Variants in IL1RL1 observed in about 807,000 individuals in gnomAD.
IL1RL1 encodes the protein interleukin-1 receptor-like 1.
Under a neutral mutation model 50.9 loss-of-function variants are expected in IL1RL1, and 32 were observed. The observed-to-expected ratio is 0.63, with a 90% confidence interval of 0.47 to 0.84. The LOEUF is 0.84. IL1RL1 is among the 40% of genes least tolerant of loss of function. The probability of loss-of-function intolerance (pLI) is 0.00; values close to 1 mark genes in which losing one functional copy is unlikely to be tolerated. For missense variants in IL1RL1, 773 were observed against 662.9 expected, an observed-to-expected ratio of 1.17 and a Z score of -1.82; for synonymous variants, 275 against 236.0, an observed-to-expected ratio of 1.17 and a Z score of -1.51.
At chr2:102,339,547 T>A (rs951551215) in intron 3 of IL1RL1, 1 of 155,478 alleles carries the variant, frequency 6.4e-6, no homozygotes, top group Non-Finnish European at 1.4e-5. Flanking sequence ...ACACAAAATG[T>A]CAAATGAATT....
At chr2:102,317,595 C>A (rs1676715096) in intron 1 of IL1RL1, among the ~76,000 whole-genome samples, 1 of 151,924 alleles carries the variant, frequency 6.6e-6, no homozygotes, top group African/African-American at 2.4e-5. Context: ...AGAACAAACT[C>A]AATATGTCAA....
chr2:102,315,208 G>A (rs957986471), intron 1 of IL1RL1, among the ~76,000 whole-genome samples: 2 of 152,162 alleles, frequency 1.3e-5, no homozygotes, highest in Admixed American at 1.3e-4. Flanking sequence ...CTGGATGAGG[G>A]TGTATGCCGT....
Position 102,343,026 on chromosome 2 carries a change from T to C in IL1RL1, c.683-10T>C. 6.2e-7 allele frequency: 1 copy of C among 1,612,438 alleles called. No individual in the cohort carries two copies. Among genetic ancestry groups the C allele is most frequent in the Non-Finnish European group, 8.5e-7 (1 of 1,179,370 alleles). ...TAATTTTATTGGTGAATGTCCTTAC[T>C]CCCCTCTAGGAAAAAACGCAAACCT... is the stretch of plus-strand genomic sequence containing the variant. On this transcript the variant is annotated splice_polypyrimidine_tract_variant and intron_variant, in intron 6 of 10. Transcript: ENST00000233954.
chr2:102,335,700 C>CCTAGAAAACTGGAAA (rs2104979710), intron 1 of IL1RL1, among the ~76,000 whole-genome samples: 1 of 152,122 alleles, frequency 6.6e-6, no homozygotes, highest in South Asian at 2.1e-4. Flanking sequence ...GCTTACGTGG[C>CCTAGAAAACTGGAAA]CTAGTTTAAG....
At chr2:102,326,708 TCTCTG>T (rs1238735200) in intron 1 of IL1RL1, among the ~76,000 whole-genome samples, 4 of 151,998 alleles carry the variant, frequency 2.6e-5, no homozygotes, top group Non-Finnish European at 5.9e-5. Context: ...GCAATCCTAG[TCTCTG>T]ATAAAACAGA....
intron 10 of IL1RL1, among the ~76,000 whole-genome samples, chr2:102,351,148 A>C (rs917736377): frequency 6.6e-6 from 1 of 152,188 alleles, no homozygotes; most frequent in Non-Finnish European, 1.5e-5. Flanking sequence ...GTGAGTTAAA[A>C]TTTTAAGCCA....
intron 1 of IL1RL1, among the ~76,000 whole-genome samples, chr2:102,315,879 C>T (rs1239067014): frequency 6.6e-6 from 1 of 152,178 alleles, no homozygotes; most frequent in African/African-American, 2.4e-5. Flanking sequence ...AAATGAATTA[C>T]TTAAAGTGGG....
At chr2:102,344,647 TC>T (rs1219259889) in intron 8 of IL1RL1, 1 of 465,432 alleles carries the variant, frequency 2.1e-6, no homozygotes, top group African/African-American at 2.1e-5. Flanking sequence ...CATCTTTGGG[TC>T]CTTAGTGCAA....
At chr2:102,347,438 C>A (rs1029535931) in intron 8 of IL1RL1, among the ~76,000 whole-genome samples, 1 of 152,186 alleles carries the variant, frequency 6.6e-6, no homozygotes, top group African/African-American at 2.4e-5. Flanking sequence ...CTGGCCCTGA[C>A]CAAACTTTCT....
Position 102,342,262 on chromosome 2 carries a change from C to G in IL1RL1, c.650C>G (p.Pro217Arg), listed in dbSNP as rs188504053. Residue 217 changes from proline (P) to arginine (R), a missense_variant, in exon 6 of 11, where the codon CCT (proline) becomes CGT (arginine). Pro to Arg is a moderately radical substitution (Grantham distance 103, BLOSUM62 -2). Coordinates refer to ENST00000233954, the MANE Select transcript of IL1RL1 (RefSeq NM_016232.5). ...TCTCTGTTTCCAGTAATCGGAGCCC[C>G]TGCACAAAATGAAATAAAGGAAGTG... ...GFSLFPVIGA[P>R]AQNEIKEVEI... 1 of 1,612,106 alleles carries G rather than the reference C, an allele frequency of 6.2e-7. No individual in the cohort carries two copies. Among genetic ancestry groups the G allele is most frequent in the South Asian group, 1.1e-5 (1 of 91,034 alleles).
At chr2:102,330,416 A>G (rs1248460240) in intron 1 of IL1RL1, among the ~76,000 whole-genome samples, 1 of 152,224 alleles carries the variant, frequency 6.6e-6, no homozygotes, top group Non-Finnish European at 1.5e-5. Context: ...GGTGCAATAC[A>G]CAAACATGGC....
chr2:102,350,478 A>G (rs1677897160), intron 10 of IL1RL1, among the ~76,000 whole-genome samples: 1 of 152,240 alleles, frequency 6.6e-6, no homozygotes, highest in Admixed American at 6.5e-5. Context: ...ACCTTTCCTC[A>G]ACCAAAATAA....
chr2:102,343,671 T>G, intron 8 of IL1RL1: 1 of 1,386,112 alleles, frequency 7.2e-7, no homozygotes, highest in Non-Finnish European at 9.3e-7. Context: ...ACTCAGCTGC[T>G]TCTTTGGTCA....
chr2:102,343,748 C>A, intron 8 of IL1RL1: 2 of 1,219,012 alleles, frequency 1.6e-6, no homozygotes, highest in Non-Finnish European at 2.1e-6. Context: ...CACCAACAAC[C>A]GTAAACTGAA....
intron 1 of IL1RL1, among the ~76,000 whole-genome samples, chr2:102,333,262 C>G (rs1573144197): frequency 6.6e-6 from 1 of 152,080 alleles, no homozygotes; most frequent in Non-Finnish European, 1.5e-5. Flanking sequence ...AGTGAGAGAC[C>G]ATGGTGGCTT....
intron 5 of IL1RL1, among the ~76,000 whole-genome samples, 177 bp from the exon 6 acceptor site, chr2:102,342,046 C>CGTGTGTGTGTGT (rs67962088): frequency 2.3e-4 from 33 of 144,166 alleles, no homozygotes; most frequent in African/African-American, 5.9e-4. Context: ...CTTTCTGTTT[C>CGTGTGTGTGTGT]GTGTGTGTGT....
intron 3 of IL1RL1, chr2:102,339,594 G>A (rs1455279689): frequency 6.5e-6 from 1 of 154,618 alleles, no homozygotes; most frequent in African/African-American, 2.4e-5. Flanking sequence ...AAGGGCCTAG[G>A]TCTGAGACTA....
intron 1 of IL1RL1, among the ~76,000 whole-genome samples, chr2:102,313,933 A>G (rs1216918166): frequency 2.6e-5 from 4 of 152,214 alleles, no homozygotes; most frequent in African/African-American, 9.7e-5. Context: ...ATCTAACAGC[A>G]ACCAAGAGTC....
chr2:102,323,435 T>C (rs755291999), intron 1 of IL1RL1, among the ~76,000 whole-genome samples: 3 of 152,094 alleles, frequency 2.0e-5, no homozygotes, highest in Non-Finnish European at 1.5e-5. Flanking sequence ...CTGGGTAATT[T>C]ATTAAGAAAA....
Sources: allele counts gnomAD v4.1 joint callset (sites outside exome capture counted in the v4.1 genomes callset), GRCh38; gene constraint gnomAD v4.1.1; transcripts MANE v1.5; gene names NCBI Gene and HGNC (gene_info 2026-07-23, HGNC 2026-07-21).